ZNF394: variants seen among roughly 807,000 people sequenced by gnomAD.
ZNF394 encodes zinc finger protein 394.
A neutral mutation model predicts 21.8 loss-of-function variants in ZNF394; 19 were observed. The ratio of observed to expected loss-of-function variants is 0.87; its 90% CI spans 0.61 to 1.28. The LOEUF is 1.28. ZNF394 is among the 50% of genes most tolerant of loss of function. ZNF394 has a pLI of 0.00. For missense variants in ZNF394, 683 were observed against 708.6 expected (o/e 0.96, Z 0.41); for synonymous variants, 294 against 273.3 (o/e 1.08, Z -0.75).
At position 99,494,102 on chromosome 7, in the gene ZNF394, A is replaced by G. The variant is rs749443143; in HGVS notation, c.1113T>C (p.Ser371=). 2 of 1,614,250 alleles carry G rather than the reference A, an allele frequency of 1.2e-6. No homozygotes were observed. The highest frequency in any genetic ancestry group is 1.7e-6 in the Non-Finnish European group (2 of 1,180,040). Residue 371 remains serine (S), a synonymous_variant, in exon 3 of 3, where the codon TCT becomes TCC. Transcript: ENST00000337673. ...GNCGKSFKQR[S]DLFRHQRIHT... is the part of the protein sequence containing the mutation. ...GGATTCTCTGGTGTCTAAAGAGGTCAGAGCGTTGTTTGAAACTCTTCCCAC... is the reference window on the plus strand; with the variant it reads ...GGATTCTCTGGTGTCTAAAGAGGTCGGAGCGTTGTTTGAAACTCTTCCCAC...
At chr7:99,497,255 G>C (rs957851224) in intron 2 of ZNF394, among the ~76,000 whole-genome samples, 1 of 149,694 alleles carries the variant, frequency 6.7e-6, no homozygotes, top group Admixed American at 6.7e-5. Flanking sequence ...TGCAACCTCC[G>C]CCTCCCAGGT....
At chr7:99,491,798 G>C (rs1297649233), downstream of ZNF394, among the ~76,000 whole-genome samples, 246 of 137,286 alleles carry the variant, frequency 1.8e-3, no homozygotes, top group African/African-American at 6.6e-3. Flanking sequence ...AAAAAAGCCA[G>C]GCACAGTGGC....
intron 2 of ZNF394, among the ~76,000 whole-genome samples, chr7:99,497,087 CGTGTGTGTGTGTGTGT>C (rs201206255): frequency 4.2e-5 from 4 of 94,688 alleles, no homozygotes; most frequent in East Asian, 2.6e-4. Context: ...TACATACATA[CGTGTGTGTGTGTGTGT>C]GTGTGTGTGT....
chr7:99,486,728 GC>G, exon 2 of ZNF394: 1 of 1,614,212 alleles, frequency 6.2e-7, no homozygotes, highest in Non-Finnish European at 8.5e-7. Flanking sequence ...TGGAAGCAGG[GC>G]AGATATGATG....
downstream of ZNF394, among the ~76,000 whole-genome samples, chr7:99,492,566 G>A (rs1800185981): frequency 6.6e-6 from 1 of 150,812 alleles, no homozygotes; most frequent in South Asian, 2.1e-4. Flanking sequence ...CTTGAATCCA[G>A]GAGGTGGAGG....
At chr7:99,498,359 G>A (rs1302049398) in intron 2 of ZNF394, 2 of 205,052 alleles carry the variant, frequency 9.8e-6, no homozygotes, top group Non-Finnish European at 2.0e-5. Flanking sequence ...CTCTGGAGAA[G>A]GATAGAGGGG....
chr7:99,487,417 G>A (rs1800029762), intron 1 of ZNF394: 3 of 1,614,086 alleles, frequency 1.9e-6, no homozygotes, highest in African/African-American at 1.3e-5. Context: ...TGTCATATGT[G>A]GAAAATCTTT....
At position 99,493,714 on chromosome 7, in the gene ZNF394, C is replaced by T. The variant is rs764464705; in HGVS notation, c.1501G>A (p.Val501Ile). ...CTCTGATTGAAGCGTTTCCCACAGA[C>T]GGAACATCCATAGGGCTTCTCCCCA... The part of the protein sequence containing the change: ...HTGEKPYGCS[V>I]CGKRFNQSAT... Residue 501 changes from valine (V) to isoleucine (I), a missense_variant, in exon 3 of 3, where the codon GTC becomes ATC. By Grantham distance (29) the Val-to-Ile change is conservative. Around this residue, in one of 3 missense-constraint regions of ZNF394, gnomAD observed 274 missense variants for 314.1 expected, o/e 0.87. Transcript: ENST00000337673. 71 of 1,614,170 alleles carry T rather than the reference C, an allele frequency of 4.4e-5. No homozygotes were observed. Among genetic ancestry groups the T allele is most frequent in the East Asian group, 6.7e-5 (3 of 44,884 alleles).
At chr7:99,491,871 C>G (rs936756498), downstream of ZNF394, among the ~76,000 whole-genome samples, 4 of 150,760 alleles carry the variant, frequency 2.7e-5, no homozygotes, top group African/African-American at 7.3e-5. Flanking sequence ...TCAGGAGATC[C>G]AGACCATCCT....
At position 99,500,106 on chromosome 7, in the gene ZNF394, T is replaced by G; in HGVS notation, c.-13A>C. The G allele has an allele frequency of 6.5e-7, 1 of 1,529,374 alleles. No individual in the cohort carries two copies. The highest frequency in any genetic ancestry group is 8.7e-7 in the Non-Finnish European group (1 of 1,145,976). The allele number at this position is 1,529,374 out of a possible 1,614,324, so 94.7% of individuals were successfully genotyped here. A position where few individuals can be genotyped will look rare whatever the true frequency, so the allele number is the denominator to read the frequency against. ...AGCTGGAATTCATCTTTCTCCGGCA[T>G]GTGCTGCCCTTCCTGGAGTCTTCTT... On this transcript the variant is annotated 5_prime_UTR_variant, in exon 1 of 3. It removes an upstream start codon present in the reference 5' UTR. Transcript: ENST00000337673.
intron 1 of ZNF394, 152 bp downstream of exon 1, chr7:99,499,486 T>C: frequency 1.5e-6 from 1 of 664,728 alleles, no homozygotes; most frequent in East Asian, 2.6e-5. Context: ...ATTTCCTGGA[T>C]GGATCTGTCA....
intron 1 of ZNF394, among the ~76,000 whole-genome samples, chr7:99,487,773 C>CAAA (rs1195630820): frequency 7.1e-6 from 1 of 140,510 alleles, no homozygotes; most frequent in African/African-American, 2.6e-5. Context: ...GAGGCTGTCT[C>CAAA]AAAAAAAAAA....
intron 1 of ZNF394, chr7:99,486,998 G>T: frequency 6.2e-7 from 1 of 1,614,100 alleles, no homozygotes; most frequent in Middle Eastern, 1.6e-4. Context: ...CATGACTGTG[G>T]AAAGTGTTTT....
intron 2 of ZNF394, chr7:99,498,430 G>A (rs1800403876): frequency 3.4e-6 from 1 of 294,442 alleles, no homozygotes; most frequent in African/African-American, 2.2e-5. Flanking sequence ...TATTTCCTTG[G>A]CAATATGGCC....
At position 99,494,008 on chromosome 7, in the gene ZNF394, T is replaced by G. The variant is rs1038338636; in HGVS notation, c.1207A>C (p.Lys403Gln). 6 of 1,614,186 alleles carry G rather than the reference T, an allele frequency of 3.7e-6. No individual in the cohort carries two copies. The Admixed American group carries it at 8.3e-5, about 22-fold the overall frequency. ...TCGCCTGTGTGTGTCCTCTGGTGCT[T>G]GGTCAGGGCAGCACTCTGGCTGAAG... is the stretch of plus-strand genomic sequence containing the variant. The part of the protein sequence containing the change: ...KSFSQSAALT[K>Q]HQRTHTGEKP... The change falls in exon 3 of 3, where the codon AAG (lysine) becomes CAG (glutamine). Residue 403 changes from lysine (K) to glutamine (Q), a missense_variant. Lys to Gln is a moderately conservative substitution (Grantham distance 53). This residue lies in a region of ZNF394 where 274 missense variants were observed against 314.1 expected (regional missense o/e 0.87). Transcript: ENST00000337673.
At position 99,494,171 on chromosome 7, in the gene ZNF394, G is replaced by T; in HGVS notation, c.1044C>A (p.Thr348=). ...GTCTTTCTTCATGGAGCTGCCTCTG[G>T]GTCTCAAAAAGGCTGGAATGATGGA... ...DSFHHSSLFE[T]QRQLHEERPY... The change falls in exon 3 of 3, where the codon ACC becomes ACA. Residue 348 remains threonine (T), a synonymous_variant. Transcript: ENST00000337673. The T allele has an allele frequency of 6.2e-7, 1 of 1,614,194 alleles. No individual in the cohort carries two copies. The highest frequency in any genetic ancestry group is 8.5e-7 in the Non-Finnish European group (1 of 1,180,044).
In ZNF394 at chr7:99,499,886, G is replaced by C; in HGVS notation, c.208C>G (p.Leu70Val). Residue 70 changes from leucine to valine, a missense_variant, in exon 1 of 3, where the codon CTG (leucine) becomes GTG (valine). By Grantham distance (32) the Leu-to-Val change is conservative. This residue lies in a region of ZNF394 where 402 missense variants were observed against 373.8 expected (regional missense o/e 1.08). Transcript: ENST00000337673. ...GGTCCAGCCACCTCCTGGTAACGCAGCTGCCTAAAGTGCAGTCGAGAAGTT... is the reference window on the plus strand; with the variant it reads ...GGTCCAGCCACCTCCTGGTAACGCACCTGCCTAAAGTGCAGTCGAGAAGTT... ...PETSRLHFRQ[L>V]RYQEVAGPEE... 2 of 1,614,174 alleles carry C rather than the reference G, an allele frequency of 1.2e-6. No homozygotes were observed. Among genetic ancestry groups the C allele is most frequent in the Non-Finnish European group, 8.5e-7 (1 of 1,180,044 alleles).
At position 99,499,845 on chromosome 7, in the gene ZNF394, G is replaced by C. The variant is rs1007572448; in HGVS notation, c.249C>G (p.Ser83Arg). The C allele has an allele frequency of 3.7e-6, 6 of 1,614,152 alleles. No individual in the cohort carries two copies. The highest frequency in any genetic ancestry group is 5.1e-6 in the Non-Finnish European group (6 of 1,180,034). ...ACCGACGACAGAGTTCTCGGAGCCG[G>C]CTCAGCGCCTCTTCCGGTCCAGCCA... ...QEVAGPEEAL[S>R]RLRELCRRWL... Residue 83 changes from serine (S) to arginine (R), a missense_variant, in exon 1 of 3, where the codon AGC (serine) becomes AGG (arginine). Physicochemically the swap from Ser to Arg is moderately radical, Grantham distance 110 (BLOSUM62 -1). Transcript: ENST00000337673.
downstream of ZNF394, among the ~76,000 whole-genome samples, chr7:99,489,056 G>A (rs974103884): frequency 6.6e-6 from 1 of 151,998 alleles, no homozygotes; most frequent in East Asian, 1.9e-4. Flanking sequence ...AGGCTGAGGC[G>A]AGTGGATCAC....
Sources: allele counts gnomAD v4.1 joint callset (sites outside exome capture counted in the v4.1 genomes callset), GRCh38; gene constraint gnomAD v4.1.1; regional missense constraint gnomAD v4.1.1; transcripts MANE v1.5; gene names NCBI Gene and HGNC (gene_info 2026-07-23, HGNC 2026-07-21).